PKP4: variants seen among roughly 807,000 people sequenced by gnomAD.
PKP4 encodes the protein plakophilin 4.
PKP4 carries 90 observed loss-of-function variants against 145.1 expected under a neutral mutation model. That is an observed-to-expected ratio of 0.62 (90% CI 0.52 to 0.74). The LOEUF (loss-of-function observed/expected upper bound fraction) is 0.74. Among genes scored for constraint, PKP4 ranks in the 30% least tolerant of loss-of-function variants. The pLI, the probability that PKP4 is intolerant of heterozygous loss-of-function variation, is 0.00. For synonymous variants in PKP4, 563 were observed against 577.2 expected (o/e 0.98, Z 0.35); for missense variants, 1,340 against 1,482.7 (o/e 0.90, Z 1.58).
chr2:158,514,268 A>G (rs917014082), intron 1 of PKP4, among the ~76,000 whole-genome samples: 1 of 152,224 alleles, frequency 6.6e-6, no homozygotes, highest in African/African-American at 2.4e-5. Flanking sequence ...AGTCCCTGCC[A>G]TTACTGAACC....
rs142020457 is a variant in PKP4, at chr2:158,647,849, G to T, written c.1909+5150G>T. ...TTGTTCCCCAGTTTGGTTATAAAAT[G>T]AATGTCTGCTAGGCCACAAAGTATG... On this transcript the variant is annotated intron_variant, in intron 11 of 21. Transcript: ENST00000389759. Among the ~76,000 whole-genome samples, 29 of 152,322 alleles carry T rather than the reference G, an allele frequency of 1.9e-4. No homozygotes were observed. In the East Asian group the frequency reaches 5.2e-3, roughly 27 times the overall value.
chr2:158,572,692 G>T (rs750448738), intron 2 of PKP4, among the ~76,000 whole-genome samples: 1 of 152,154 alleles, frequency 6.6e-6, no homozygotes, highest in Non-Finnish European at 1.5e-5. Context: ...ATTTTCCCCC[G>T]ATAGTTACGA....
chr2:158,483,252 T>A (rs1452750048), intron 1 of PKP4, among the ~76,000 whole-genome samples: 1 of 152,246 alleles, frequency 6.6e-6, no homozygotes, highest in African/African-American at 2.4e-5. Flanking sequence ...GTTCTATTCA[T>A]TGTTAATGCA....
At chr2:158,656,373 C>T (rs2055921719) in intron 11 of PKP4, among the ~76,000 whole-genome samples, 1 of 152,136 alleles carries the variant, frequency 6.6e-6, no homozygotes, top group Non-Finnish European at 1.5e-5. Context: ...CTAACGGGAC[C>T]CTAGCTTTTG....
intron 1 of PKP4, among the ~76,000 whole-genome samples, chr2:158,487,238 G>A (rs1025731889): frequency 5.9e-5 from 9 of 152,012 alleles, no homozygotes; most frequent in African/African-American, 2.2e-4. Flanking sequence ...CCATAAATAG[G>A]AATTTTTAAC....
chr2:158,603,159 A>G, intron 4 of PKP4, 55 bp downstream of exon 4: 1 of 916,228 alleles, frequency 1.1e-6, no homozygotes, highest in African/African-American at 1.7e-5. Flanking sequence ...TACATAGCCT[A>G]CTCTCTTAAC....
At chr2:158,602,759 T>G (rs2050334346) in intron 3 of PKP4, among the ~76,000 whole-genome samples, 1 of 152,204 alleles carries the variant, frequency 6.6e-6, no homozygotes, top group Non-Finnish European at 1.5e-5. Context: ...GTGGTTTTCA[T>G]ATTATCACGA....
chr2:158,496,790 G>GTGTGTGTGTC (rs146738816), intron 1 of PKP4, among the ~76,000 whole-genome samples: 11 of 149,954 alleles, frequency 7.3e-5, no homozygotes, highest in African/African-American at 2.0e-4. Context: ...GTGTGTGTGT[G>GTGTGTGTGTC]TGTGTCTGTG....
At chr2:158,616,720 G>T (rs1232092495) in intron 4 of PKP4, among the ~76,000 whole-genome samples, 1 of 152,114 alleles carries the variant, frequency 6.6e-6, no homozygotes, top group Non-Finnish European at 1.5e-5. Flanking sequence ...GTTCCAGTGT[G>T]CTGGACTATG....
chr2:158,627,650 AAT>A (rs3836167), intron 7 of PKP4, among the ~76,000 whole-genome samples: 6 of 147,614 alleles, frequency 4.1e-5, no homozygotes, highest in South Asian at 2.2e-4. Context: ...AAACTACAGA[AAT>A]ATATATATAT....
At chr2:158,677,629 A>T (rs1318080055) in intron 20 of PKP4, among the ~76,000 whole-genome samples, 2 of 152,186 alleles carry the variant, frequency 1.3e-5, no homozygotes, top group Non-Finnish European at 2.9e-5. Context: ...TGGCAGCTTT[A>T]CTCCTGCTGG....
At chr2:158,626,719 G>A (rs1359038374) in intron 7 of PKP4, among the ~76,000 whole-genome samples, 1 of 152,152 alleles carries the variant, frequency 6.6e-6, no homozygotes, top group African/African-American at 2.4e-5. Context: ...TAGGTAAAAA[G>A]CTGTACCTCA....
At chr2:158,650,408 T>C (rs2055249276) in intron 11 of PKP4, among the ~76,000 whole-genome samples, 1 of 152,230 alleles carries the variant, frequency 6.6e-6, no homozygotes, top group Non-Finnish European at 1.5e-5. Context: ...AATGCAAATA[T>C]GATTCTGTAA....
intron 2 of PKP4, among the ~76,000 whole-genome samples, chr2:158,541,583 A>G (rs2044523119): frequency 7.4e-6 from 1 of 134,472 alleles, no homozygotes; most frequent in Admixed American, 8.1e-5. Context: ...CATCCTATGC[A>G]ATTATATTCT....
chr2:158,497,033 A>G (rs1426607822), intron 1 of PKP4, among the ~76,000 whole-genome samples: 1 of 152,140 alleles, frequency 6.6e-6, no homozygotes, highest in Non-Finnish European at 1.5e-5. Context: ...TCCTTAAAAG[A>G]ATAATTTGGT....
At chr2:158,470,898 A>G (rs1173597399) in intron 1 of PKP4, among the ~76,000 whole-genome samples, 1 of 151,966 alleles carries the variant, frequency 6.6e-6, no homozygotes, top group Non-Finnish European at 1.5e-5. Flanking sequence ...GGGAGCAGCA[A>G]CCCGAGGATG....
intron 9 of PKP4, among the ~76,000 whole-genome samples, chr2:158,636,667 A>G (rs1446166089): frequency 2.0e-5 from 3 of 151,924 alleles, no homozygotes; most frequent in African/African-American, 7.3e-5. Context: ...TCACTTTATT[A>G]TTTTGCAGAT....
intron 1 of PKP4, among the ~76,000 whole-genome samples, chr2:158,530,440 T>G (rs899225171): frequency 4.0e-5 from 6 of 151,138 alleles, no homozygotes; most frequent in African/African-American, 7.3e-5. Flanking sequence ...CAAATTGAGG[T>G]CACTGAGGGA....
intron 1 of PKP4, among the ~76,000 whole-genome samples, chr2:158,484,165 A>G (rs1024195851): frequency 6.6e-6 from 1 of 150,838 alleles, no homozygotes; most frequent in African/African-American, 2.4e-5. Context: ...CTCCTGCCTC[A>G]GCCTCCCGAG....
Sources: allele counts gnomAD v4.1 joint callset (sites outside exome capture counted in the v4.1 genomes callset), GRCh38; gene constraint gnomAD v4.1.1; transcripts MANE v1.5; gene names NCBI Gene and HGNC (gene_info 2026-07-23, HGNC 2026-07-21).